The following ARHGAP32 variants were observed in gnomAD, a reference collection of about 807,000 sequenced individuals.
The protein encoded by ARHGAP32 is Rho GTPase activating protein 32, also known as rho GTPase-activating protein 32.
A neutral mutation model predicts 186.5 loss-of-function variants in ARHGAP32; 51 were observed. The ratio of observed to expected loss-of-function variants is 0.27; its 90% CI spans 0.22 to 0.35. The LOEUF is 0.35. Among genes scored for constraint, ARHGAP32 ranks in the 10% least tolerant of loss-of-function variants. The probability of loss-of-function intolerance (pLI) is 1.00; values close to 1 mark genes in which losing one functional copy is unlikely to be tolerated. For synonymous variants in ARHGAP32, 950 were observed against 964.3 expected (o/e 0.99, Z 0.27); for missense variants, 2,186 against 2,623.5 (o/e 0.83, Z 3.64).
intron 1 of ARHGAP32, among the ~76,000 whole-genome samples, chr11:129,219,009 C>A (rs1367679756): frequency 6.6e-6 from 1 of 152,126 alleles, no homozygotes. Context: ...TCAGGGAGCA[C>A]TAAAGTCAGC....
chr11:129,204,675 G>C (rs1256517238), intron 1 of ARHGAP32, among the ~76,000 whole-genome samples: 1 of 152,160 alleles, frequency 6.6e-6, no homozygotes, highest in Admixed American at 6.6e-5. Context: ...TTCTCAGAGA[G>C]GGTTGTAAGA....
Position 129,086,588 on chromosome 11 carries a change from A to G in ARHGAP32, c.531+7033T>C, listed in dbSNP as rs535184698. ...TGTAATCCCAGCACTTTGGGAGGCC[A>G]AGGCGGGCGGATCACAAGGTCAGGA... On this transcript the variant is annotated intron_variant, in intron 6 of 22. Coordinates refer to ENST00000682385, the MANE Select transcript of ARHGAP32 (RefSeq NM_001378024.1). Among the ~76,000 whole-genome samples, 1,042 of 152,184 alleles carry G rather than the reference A, an allele frequency of 6.8e-3. 5 individuals carry two copies. The highest frequency in any genetic ancestry group is 0.017 in the African/African-American group (726 of 41,526).
chr11:129,062,103 A>T (rs1940524539), intron 10 of ARHGAP32, among the ~76,000 whole-genome samples, 177 bp downstream of exon 10: 2 of 152,222 alleles, frequency 1.3e-5, no homozygotes, highest in South Asian at 4.1e-4. Flanking sequence ...GAAACAACCA[A>T]AATAGTAATT....
chr11:129,168,691 C>G (rs1412860110), intron 1 of ARHGAP32, among the ~76,000 whole-genome samples: 1 of 152,110 alleles, frequency 6.6e-6, no homozygotes, highest in Non-Finnish European at 1.5e-5. Flanking sequence ...AACCCAACAA[C>G]TACAAAACTC....
chr11:128,973,078 T>C lies in ARHGAP32; in HGVS notation c.3428A>G (p.Asp1143Gly). The change falls in exon 22 of 23, where the codon GAT becomes GGT. Residue 1143 changes from aspartate to glycine, a missense_variant. By Grantham distance (94) the Asp-to-Gly change is moderately conservative. This residue lies in a region of ARHGAP32 where 1,502 missense variants were observed against 1,570.0 expected (regional missense o/e 0.96). Coordinates refer to ENST00000682385, the MANE Select transcript of ARHGAP32 (RefSeq NM_001378024.1). Reference sequence around the variant, plus strand: ...TTCAGTTGTGTTGGAATGGGTAGGATCCCCAGTAGCTGTTGTCTCTGGTAG... The same window carrying C: ...TTCAGTTGTGTTGGAATGGGTAGGACCCCCAGTAGCTGTTGTCTCTGGTAG... ...HPLPETTATGDPTHSNTTESG... is the reference protein window; with the variant it reads ...HPLPETTATGGPTHSNTTESG... The C allele has an allele frequency of 6.2e-7, 1 of 1,614,124 alleles. No individual in the cohort carries two copies.
At position 128,981,531 on chromosome 11, in the gene ARHGAP32, A is replaced by G; in HGVS notation, c.1665T>C (p.Ser555=). 2 of 1,614,024 alleles carry G rather than the reference A, an allele frequency of 1.2e-6. No homozygotes were observed. Among genetic ancestry groups the G allele is most frequent in the Non-Finnish European group, 1.7e-6 (2 of 1,179,904 alleles). The change falls in exon 17 of 23, where the codon AGT becomes AGC. Residue 555 remains serine (S), a synonymous_variant. Coordinates refer to ENST00000682385, the MANE Select transcript of ARHGAP32 (RefSeq NM_001378024.1). The part of the protein sequence containing the change: ...RSKQIESACF[S]GTAAFMEVRI... Reference sequence around the variant, plus strand: ...TCACTTCCATGAAAGCTGCTGTTCCACTGAAGCAGGCAGATTCTATCTGTT... The same window carrying G: ...TCACTTCCATGAAAGCTGCTGTTCCGCTGAAGCAGGCAGATTCTATCTGTT...
At chr11:129,137,838 G>A (rs1235807747) in intron 2 of ARHGAP32, among the ~76,000 whole-genome samples, 12 of 152,094 alleles carry the variant, frequency 7.9e-5, no homozygotes, top group East Asian at 1.9e-4. Context: ...TATGATACAC[G>A]TGTGTAAGAT....
Position 128,972,586 on chromosome 11 carries a change from G to A in ARHGAP32, c.3920C>T (p.Ala1307Val), listed in dbSNP as rs1415581791. The change falls in exon 22 of 23, where the codon GCT becomes GTT. Residue 1307 changes from alanine to valine, a missense_variant. Ala to Val is a moderately conservative substitution (Grantham distance 64). Around this residue, in one of 5 missense-constraint regions of ARHGAP32, gnomAD observed 1,502 missense variants for 1,570.0 expected, o/e 0.96. Transcript: ENST00000682385. ...TCTGTGCGTGCGCTGAAGTGTGGCA[G>A]CAGCAAAATCAGCAGTGGTGGGTTG... The part of the protein sequence containing the change: ...AEQPTTADFA[A>V]ATLQRTHRTN... 6.2e-7 allele frequency: 1 copy of A among 1,603,442 alleles called. No individual in the cohort carries two copies. Among genetic ancestry groups the A allele is most frequent in the East Asian group, 2.2e-5 (1 of 44,740 alleles).
chr11:129,087,561 A>G (rs969030721), intron 6 of ARHGAP32, among the ~76,000 whole-genome samples: 1 of 152,252 alleles, frequency 6.6e-6, no homozygotes, highest in South Asian at 2.1e-4. Context: ...GAGACAGTAA[A>G]AAGATCAGTG....
At chr11:129,205,380 T>G (rs901219484) in intron 1 of ARHGAP32, among the ~76,000 whole-genome samples, 5 of 152,180 alleles carry the variant, frequency 3.3e-5, no homozygotes, top group African/African-American at 1.2e-4. Context: ...TTTTTCACTA[T>G]TACAGGTACT....
rs1336008172 is a variant in ARHGAP32 at position 129,141,771 on chromosome 11, T to C, written c.226-16877A>G. ...AAAATAATCTCACCACCATGGGAAA[T>C]AGGATTATGGGAAAGCCTCTTTTTT... On this transcript the variant is annotated intron_variant, in intron 2 of 22. Transcript: ENST00000682385. Among the ~76,000 whole-genome samples the C allele has an allele frequency of 3.3e-5, 5 of 150,470 alleles. No individual in the cohort carries two copies. In the East Asian group the frequency reaches 5.8e-4, roughly 17 times the overall value.
chr11:129,009,424 G>A (rs1232775184), intron 11 of ARHGAP32, among the ~76,000 whole-genome samples: 1 of 152,118 alleles, frequency 6.6e-6, no homozygotes, highest in Non-Finnish European at 1.5e-5. Flanking sequence ...TTGCTGCACA[G>A]ATCATCCAAT....
chr11:129,201,807 T>A (rs1290785446), intron 1 of ARHGAP32, among the ~76,000 whole-genome samples: 2 of 151,962 alleles, frequency 1.3e-5, no homozygotes, highest in East Asian at 3.9e-4. Context: ...AGAGCAAGAC[T>A]CCATCTCTAT....
In ARHGAP32 at chr11:128,972,653, C is replaced by A. The variant is rs376069930; in HGVS notation, c.3853G>T (p.Ala1285Ser). The change falls in exon 22 of 23, where the codon GCC becomes TCC. Residue 1285 changes from alanine (A) to serine (S), a missense_variant. Transcript: ENST00000682385. ...MTYMTTTPAT[A>S]QMSTKEASWD... Reference sequence around the variant, plus strand: ...CTGGCTTCCTTGGTGCTCATTTGGGCTGTTGCTGGAGTAGTTGTCATGTAA... The same window carrying A: ...CTGGCTTCCTTGGTGCTCATTTGGGATGTTGCTGGAGTAGTTGTCATGTAA... The A allele has an allele frequency of 1.9e-6, 3 of 1,613,522 alleles. No homozygotes were observed. The African/African-American group carries it at 4.0e-5, about 22-fold the overall frequency.
rs146657609 is a variant in ARHGAP32, at chr11:129,093,778, C to A, written c.445-71G>T. On this transcript the variant is annotated intron_variant, in intron 5 of 22. Coordinates refer to ENST00000682385, the MANE Select transcript of ARHGAP32 (RefSeq NM_001378024.1). ...AGTAAACGAGAATAAACTAAGCATTCATAATACCTGGAGCATCATCTCCGG... is the reference window on the plus strand; with the variant it reads ...AGTAAACGAGAATAAACTAAGCATTAATAATACCTGGAGCATCATCTCCGG... 1,646 of 1,044,144 alleles carry A rather than the reference C, an allele frequency of 1.6e-3. 6 individuals are homozygous for A. Among genetic ancestry groups the A allele is most frequent in the Middle Eastern group, 5.4e-3 (27 of 4,992 alleles). The allele number at this position is 1,044,144 out of a possible 1,614,324, so 64.7% of individuals were successfully genotyped here.
intron 11 of ARHGAP32, among the ~76,000 whole-genome samples, chr11:129,029,690 TACTCG>T (rs1939017338): frequency 6.7e-6 from 1 of 150,282 alleles, no homozygotes; most frequent in Non-Finnish European, 1.5e-5. Context: ...TAGTCCCAGC[TACTCG>T]GGAGGCTGAG....
rs991476653 is a variant in ARHGAP32, at chr11:128,965,340, A to G, written c.*3567T>C. 1.3e-5 allele frequency: 2 copies of G among 152,164 alleles called. No individual in the cohort carries two copies. Among genetic ancestry groups the G allele is most frequent in the African/African-American group, 2.4e-5 (1 of 41,436 alleles). The allele number at this position is 152,164 out of a possible 1,614,324, so 9.4% of individuals were successfully genotyped here. On this transcript the variant is annotated 3_prime_UTR_variant, in exon 23 of 23. Coordinates refer to ENST00000682385, the MANE Select transcript of ARHGAP32 (RefSeq NM_001378024.1). ...ATACACAAGCTTATATGCATTAACA[A>G]TTTACACCAGTTCACAAAAATATTA...
At chr11:129,137,540 T>G (rs1476053773) in intron 2 of ARHGAP32, among the ~76,000 whole-genome samples, 2 of 151,988 alleles carry the variant, frequency 1.3e-5, no homozygotes, top group Non-Finnish European at 2.9e-5. Context: ...GTGGGATATG[T>G]CCTAGAGATG....
intron 10 of ARHGAP32, among the ~76,000 whole-genome samples, chr11:129,058,188 TACACACACACAC>T (rs58479028): frequency 2.8e-4 from 37 of 133,918 alleles, no homozygotes; most frequent in African/African-American, 5.0e-4. Flanking sequence ...AAAAAAAATA[TACACACACACAC>T]ACACACACAC....
Sources: gnomAD v4.1 joint callset for allele counts (sites outside exome capture counted in the v4.1 genomes callset) on GRCh38, gnomAD v4.1.1 for gene constraint, gnomAD v4.1.1 regional missense constraint, MANE v1.5 for transcripts, NCBI Gene and HGNC (gene_info 2026-07-23, HGNC 2026-07-21) for gene names.